PDS5B: variants seen among roughly 807,000 people sequenced by gnomAD.
The protein encoded by PDS5B is PDS5 cohesin associated factor B, also known as sister chromatid cohesion protein PDS5 homolog B.
Under a neutral mutation model 184.1 loss-of-function variants are expected in PDS5B, and 51 were observed. The observed-to-expected ratio is 0.28, with a 90% CI of 0.22 to 0.35. PDS5B has a LOEUF of 0.35. Among genes scored for constraint, PDS5B ranks in the 10% least tolerant of loss-of-function variants. The pLI is 1.00. For synonymous variants in PDS5B, 566 were observed against 569.2 expected (o/e 0.99, Z 0.08); for missense variants, 1,180 against 1,723.3 (o/e 0.68, Z 5.58).
intron 19 of PDS5B, among the ~76,000 whole-genome samples, chr13:32,722,689 A>G (rs376407401): frequency 6.6e-5 from 10 of 152,372 alleles, no homozygotes; most frequent in African/African-American, 2.2e-4. Context: ...TTAAAGGACA[A>G]AAGAGAAAAA....
At chr13:32,652,214 CA>C in intron 3 of PDS5B, 1 of 458,164 alleles carries the variant, frequency 2.2e-6, no homozygotes, top group Non-Finnish European at 3.8e-6. Flanking sequence ...TAGATTAATA[CA>C]GTGTGTATTT....
intron 1 of PDS5B, among the ~76,000 whole-genome samples, chr13:32,628,718 C>T (rs527751456): frequency 2.2e-4 from 33 of 152,194 alleles, no homozygotes; most frequent in African/African-American, 7.7e-4. Flanking sequence ...CACATACACA[C>T]TTGAGTATAA....
chr13:32,704,150 TG>T (rs1246787107), intron 17 of PDS5B, among the ~76,000 whole-genome samples: 3 of 152,148 alleles, frequency 2.0e-5, no homozygotes. Context: ...TGGAATTTAG[TG>T]TAAGGTGGAC....
At chr13:32,707,751 G>T (rs1183013742) in intron 18 of PDS5B, among the ~76,000 whole-genome samples, 1 of 148,584 alleles carries the variant, frequency 6.7e-6, no homozygotes, top group African/African-American at 2.5e-5. Context: ...GTTAAAGCTT[G>T]TACATGAATT....
intron 24 of PDS5B, among the ~76,000 whole-genome samples, chr13:32,747,244 C>T (rs1047792136): frequency 5.3e-5 from 8 of 152,064 alleles, no homozygotes; most frequent in Non-Finnish European, 1.2e-4. Context: ...TTAATAATTT[C>T]GTTATTTTAC....
chr13:32,760,080 T>C (rs1388695938), intron 29 of PDS5B, among the ~76,000 whole-genome samples: 6 of 152,024 alleles, frequency 3.9e-5, no homozygotes, highest in Admixed American at 6.6e-5. Context: ...CTCAGCCTCC[T>C]GAGTAGCTGG....
At chr13:32,657,251 G>C (rs1950538402) in intron 3 of PDS5B, among the ~76,000 whole-genome samples, 1 of 152,168 alleles carries the variant, frequency 6.6e-6, no homozygotes, top group South Asian at 2.1e-4. Context: ...GAATCTGTGT[G>C]TTCCTTTGTT....
intron 11 of PDS5B, among the ~76,000 whole-genome samples, chr13:32,686,049 G>A (rs1951378065): frequency 6.6e-6 from 1 of 151,982 alleles, no homozygotes; most frequent in Admixed American, 6.6e-5. Context: ...AAAAACCAAG[G>A]AATAATTTGT....
chr13:32,653,784 G>T lies in PDS5B; in HGVS notation c.312+1777G>T, dbSNP rs182200028. Reference sequence around the variant, plus strand: ...TTTGGAGATACTTAATTGGTTTAAGGAATGATTCCATTTGTTTGATAGTGG... The same window carrying T: ...TTTGGAGATACTTAATTGGTTTAAGTAATGATTCCATTTGTTTGATAGTGG... On this transcript the variant is annotated intron_variant, in intron 3 of 34. Coordinates refer to ENST00000315596, the MANE Select transcript of PDS5B (RefSeq NM_015032.4). 8.5e-5 allele frequency among the ~76,000 whole-genome samples: 13 copies of T among 152,242 alleles called. No homozygotes were observed. The East Asian group carries it at 2.5e-3, about 29-fold the overall frequency.
In PDS5B at chr13:32,753,466, T is replaced by C. The variant is rs2140998937; in HGVS notation, c.2871T>C (p.His957=). The stretch of plus-strand genomic sequence containing the variant: ...ATCCTGTAAAGGAGAGAAGAGCTCA[T>C]GCTAGGCAATGTTTGGTGAAAAATA... The part of the protein sequence containing the change: ...AKDPVKERRA[H]ARQCLVKNIN... Residue 957 remains histidine, a synonymous_variant, in exon 25 of 35, where the codon CAT becomes CAC. Coordinates refer to ENST00000315596, the MANE Select transcript of PDS5B (RefSeq NM_015032.4). 6.2e-7 allele frequency: 1 copy of C among 1,613,948 alleles called. No homozygotes were observed. Among genetic ancestry groups the C allele is most frequent in the Non-Finnish European group, 8.5e-7 (1 of 1,179,856 alleles).
Position 32,776,705 on chromosome 13 carries a change from T to C in PDS5B, c.*1653T>C, listed in dbSNP as rs1954968725. The C allele has an allele frequency of 6.6e-6, 1 of 152,520 alleles. No individual in the cohort carries two copies. Among genetic ancestry groups the C allele is most frequent in the Non-Finnish European group, 1.5e-5 (1 of 67,930 alleles). 9.4% of individuals were successfully genotyped at this position (152,520 alleles called of 1,614,324 possible). On this transcript the variant is annotated 3_prime_UTR_variant, in exon 35 of 35. Coordinates refer to ENST00000315596, the MANE Select transcript of PDS5B (RefSeq NM_015032.4). ...GATATATTTCCAAGATTGGTTATAA[T>C]AGATGGGGCATATAATAAAGAAGCT...
At chr13:32,691,836 A>G (rs910483920) in intron 13 of PDS5B, among the ~76,000 whole-genome samples, 6 of 152,124 alleles carry the variant, frequency 3.9e-5, no homozygotes, top group Admixed American at 2.0e-4. Flanking sequence ...ATGGATTTCT[A>G]CGTCCTCCTG....
At position 32,770,383 on chromosome 13, in the gene PDS5B, C is replaced by T; in HGVS notation, c.3887C>T (p.Pro1296Leu). ...GGTAAAAGAGGCCGACCACCAAAAC[C>T]TCTTGGTGGAGGTACACCAAAAGAA... ...KKGKRGRPPKPLGGGTPKEEP... is the reference protein window; with the variant it reads ...KKGKRGRPPKLLGGGTPKEEP... Residue 1296 changes from proline to leucine, a missense_variant, in exon 32 of 35, where the codon CCT becomes CTT. Physicochemically the swap from Pro to Leu is moderately conservative, Grantham distance 98 (BLOSUM62 -3). Transcript: ENST00000315596. 6.2e-7 allele frequency: 1 copy of T among 1,613,340 alleles called. No individual in the cohort carries two copies.
At chr13:32,704,148 A>T (rs1951939704) in intron 17 of PDS5B, among the ~76,000 whole-genome samples, 1 of 151,696 alleles carries the variant, frequency 6.6e-6, no homozygotes, top group South Asian at 2.1e-4. Flanking sequence ...TCTGGAATTT[A>T]GTGTAAGGTG....
Position 32,760,604 on chromosome 13 carries a change from T to C in PDS5B, c.3402T>C (p.Val1134=), listed in dbSNP as rs766979093. The change falls in exon 30 of 35, where the codon GTT becomes GTC. Residue 1134 remains valine (V), a synonymous_variant. Transcript: ENST00000315596. ...AAACAACCAATGTTCTAGGAGCTGT[T>C]AACAAGCCACTTTCATCAGCAGGCA... ...KPKTTNVLGA[V]NKPLSSAGKQ... The C allele has an allele frequency of 4.3e-6, 7 of 1,614,072 alleles. No individual in the cohort carries two copies. The East Asian group carries it at 1.6e-4, about 36-fold the overall frequency.
chr13:32,587,170 C>T (rs901958371), intron 1 of PDS5B, among the ~76,000 whole-genome samples: 3 of 149,364 alleles, frequency 2.0e-5, no homozygotes, highest in Admixed American at 2.0e-4. Flanking sequence ...GGCGCTCTCG[C>T]CCCCGCCGCC....
intron 3 of PDS5B, among the ~76,000 whole-genome samples, chr13:32,655,769 T>G (rs927833697): frequency 1.3e-5 from 2 of 152,194 alleles, no homozygotes; most frequent in Non-Finnish European, 2.9e-5. Flanking sequence ...GCAAATATTT[T>G]CTCCCATTCT....
chr13:32,628,120 TTTTC>T (rs1178736858), intron 1 of PDS5B, among the ~76,000 whole-genome samples: 1 of 152,166 alleles, frequency 6.6e-6, no homozygotes, highest in Admixed American at 6.5e-5. Flanking sequence ...AGATTATTAG[TTTTC>T]TTTCTTTAAG....
chr13:32,607,775 C>G (rs2058082527), intron 1 of PDS5B, among the ~76,000 whole-genome samples: 1 of 152,214 alleles, frequency 6.6e-6, no homozygotes, highest in African/African-American at 2.4e-5. Context: ...TGCCCCTCCC[C>G]CAGCCTCACT....
Sources: gnomAD v4.1 joint callset for allele counts (sites outside exome capture counted in the v4.1 genomes callset) on GRCh38, gnomAD v4.1.1 for gene constraint, MANE v1.5 for transcripts, NCBI Gene and HGNC (gene_info 2026-07-23, HGNC 2026-07-21) for gene names.